The following PRIM2 variants were observed in gnomAD, a reference collection of about 807,000 sequenced individuals.
PRIM2 encodes the protein DNA primase large subunit.
A neutral mutation model predicts 67.3 loss-of-function variants in PRIM2; 39 were observed. The ratio of observed to expected loss-of-function variants is 0.58; its 90% CI spans 0.45 to 0.76. The LOEUF (loss-of-function observed/expected upper bound fraction) is 0.76, where lower values mean the gene tolerates loss of function less well. Among genes scored for constraint, PRIM2 ranks in the 30% least tolerant of loss-of-function variants. The probability of loss-of-function intolerance (pLI) is 0.00; values close to 1 mark genes in which losing one functional copy is unlikely to be tolerated. For synonymous variants in PRIM2, 143 were observed against 198.7 expected, an observed-to-expected ratio of 0.72 and a Z score of 2.36; for missense variants, 398 against 598.7, an observed-to-expected ratio of 0.66 and a Z score of 3.50.
chr6:57,376,302 C>A (rs1231436730), intron 5 of PRIM2, among the ~76,000 whole-genome samples: 1 of 152,152 alleles, frequency 6.6e-6, no homozygotes, highest in African/African-American at 2.4e-5. Flanking sequence ...ATGCCAACTC[C>A]CATGCCTGGC....
At chr6:57,251,057 C>T in the PRIM2 span, among the ~76,000 whole-genome samples, 8 of 152,098 alleles carry the variant, frequency 5.3e-5, no homozygotes, top group Non-Finnish European at 1.2e-4. Context: ...TTTTATTTCT[C>T]TCTTATAATC....
intron 7 of PRIM2, among the ~76,000 whole-genome samples, chr6:57,481,386 G>A (rs1773625230): frequency 6.6e-6 from 1 of 152,066 alleles, no homozygotes; most frequent in South Asian, 2.1e-4. Flanking sequence ...TTTTGTTGTT[G>A]TTGTTCAGGA....
At chr6:57,551,239 G>T (rs1775395059) in intron 10 of PRIM2, among the ~76,000 whole-genome samples, 1 of 152,122 alleles carries the variant, frequency 6.6e-6, no homozygotes, top group African/African-American at 2.4e-5. Context: ...CTTTAATAGT[G>T]CGATTGTTGT....
At chr6:57,262,830 AAGG>A in the PRIM2 span, among the ~76,000 whole-genome samples, 2 of 152,166 alleles carry the variant, frequency 1.3e-5, no homozygotes, top group African/African-American at 4.8e-5. Flanking sequence ...GTCTTTCTAG[AAGG>A]AGGTCAGAAA....
At chr6:57,237,799 T>C in the PRIM2 span, among the ~76,000 whole-genome samples, 11 of 152,346 alleles carry the variant, frequency 7.2e-5, no homozygotes, top group African/African-American at 2.4e-4. Flanking sequence ...ACCAGTACCA[T>C]GCTGTTTTGG....
chr6:57,317,977 C>G (rs1356620886), intron 1 of PRIM2, among the ~76,000 whole-genome samples: 1 of 152,076 alleles, frequency 6.6e-6, no homozygotes, highest in Non-Finnish European at 1.5e-5. Flanking sequence ...GCTCTGTTTC[C>G]CAGAGTCATA....
chr6:57,271,606 G>GT, the PRIM2 span, among the ~76,000 whole-genome samples: 2 of 152,062 alleles, frequency 1.3e-5, no homozygotes, highest in African/African-American at 2.4e-5. Context: ...TTTTTGAAGG[G>GT]TTTTTTGTGT....
intron 8 of PRIM2, among the ~76,000 whole-genome samples, chr6:57,527,143 C>G (rs1170147319): frequency 6.6e-6 from 1 of 151,980 alleles, no homozygotes; most frequent in Non-Finnish European, 1.5e-5. Context: ...TTTCTTCTAC[C>G]TTGATTTTTG....
At chr6:57,615,058 T>C (rs1776730831) in intron 12 of PRIM2, among the ~76,000 whole-genome samples, 1 of 152,248 alleles carries the variant, frequency 6.6e-6, no homozygotes, top group Non-Finnish European at 1.5e-5. Flanking sequence ...TTAGCTTTTA[T>C]TTTCCACTTC....
At chr6:57,555,284 C>CT (rs1399469286) in intron 10 of PRIM2, among the ~76,000 whole-genome samples, 6 of 152,042 alleles carry the variant, frequency 3.9e-5, no homozygotes, top group African/African-American at 1.2e-4. Context: ...AATATTGTAT[C>CT]TATTTATTTA....
At chr6:57,247,116 A>G in the PRIM2 span, among the ~76,000 whole-genome samples, 1 of 152,112 alleles carries the variant, frequency 6.6e-6, no homozygotes, top group Non-Finnish European at 1.5e-5. Flanking sequence ...GGCCTTCCAA[A>G]GTGCTAGGAT....
In PRIM2 at chr6:57,611,302, A is replaced by C. The variant is rs1345522469; in HGVS notation, c.1230+4845A>C. 4.0e-3 allele frequency among the ~76,000 whole-genome samples: 614 copies of C among 152,362 alleles called. 12 individuals are homozygous for C. Among genetic ancestry groups the C allele is most frequent in the African/African-American group, 0.014 (592 of 41,596 alleles). ...GCAGTACCAGAAATCCAAAATATACATAAGATCTTTATATGAAAGACTGAT... is the reference window on the plus strand; with the variant it reads ...GCAGTACCAGAAATCCAAAATATACCTAAGATCTTTATATGAAAGACTGAT... On this transcript the variant is annotated intron_variant, in intron 12 of 13. Coordinates refer to ENST00000615550, the MANE Select transcript of PRIM2 (RefSeq NM_000947.5).
intron 7 of PRIM2, among the ~76,000 whole-genome samples, chr6:57,462,658 G>C (rs1314009331): frequency 6.6e-6 from 1 of 152,162 alleles, no homozygotes; most frequent in Non-Finnish European, 1.5e-5. Flanking sequence ...TATTTCCTTT[G>C]TTGCTTAAGA....
At chr6:57,374,513 C>T (rs377693749) in intron 5 of PRIM2, among the ~76,000 whole-genome samples, 2 of 149,980 alleles carry the variant, frequency 1.3e-5, no homozygotes, top group Non-Finnish European at 3.0e-5. Context: ...AGGATGGTCT[C>T]GATCTCCTGA....
At chr6:57,387,240 T>A (rs1770183417) in intron 7 of PRIM2, among the ~76,000 whole-genome samples, 1 of 152,194 alleles carries the variant, frequency 6.6e-6, no homozygotes, top group Non-Finnish European at 1.5e-5. Context: ...ATTCAAATTT[T>A]TATCTGGTAT....
chr6:57,627,844 T>C (rs1446442317), intron 12 of PRIM2, among the ~76,000 whole-genome samples: 4 of 152,296 alleles, frequency 2.6e-5, no homozygotes, highest in Non-Finnish European at 5.9e-5. Context: ...TTTATATGAG[T>C]TTTTTCTTCA....
At chr6:57,370,445 A>C (rs1427470967) in intron 5 of PRIM2, among the ~76,000 whole-genome samples, 1 of 152,206 alleles carries the variant, frequency 6.6e-6, no homozygotes, top group Non-Finnish European at 1.5e-5. Context: ...TACATTTTTC[A>C]ATGAGAATTG....
chr6:57,469,441 T>C (rs1360577795), intron 7 of PRIM2, among the ~76,000 whole-genome samples: 1 of 152,194 alleles, frequency 6.6e-6, no homozygotes, highest in East Asian at 1.9e-4. Flanking sequence ...TCTCGGAAAA[T>C]TGAACCCTTG....
intron 7 of PRIM2, among the ~76,000 whole-genome samples, chr6:57,428,414 G>T (rs982320): frequency 6.6e-6 from 1 of 152,142 alleles, no homozygotes; most frequent in Non-Finnish European, 1.5e-5. Flanking sequence ...ATATATTCAA[G>T]GTAGATTATT....
Sources: allele counts gnomAD v4.1 joint callset (sites outside exome capture counted in the v4.1 genomes callset), GRCh38; gene constraint gnomAD v4.1.1; transcripts MANE v1.5; gene names NCBI Gene and HGNC (gene_info 2026-07-23, HGNC 2026-07-21).